Variants in PARP4 observed in about 807,000 individuals in gnomAD.
PARP4 encodes poly(ADP-ribose) polymerase family member 4.
Under a neutral mutation model 187.7 loss-of-function variants are expected in PARP4, and 120 were observed. The observed-to-expected ratio is 0.64, with a 90% confidence interval of 0.55 to 0.74. PARP4 has a LOEUF of 0.74. Ranked by LOEUF, PARP4 falls within the 30% of genes least tolerant of loss-of-function variation. The pLI is 0.00. For missense variants in PARP4, 1,836 were observed against 2,070.5 expected (o/e 0.89, Z 2.20); for synonymous variants, 654 against 740.9 (o/e 0.88, Z 1.90).
chr13:24,505,541 A>AC (rs144873859), intron 1 of PARP4, among the ~76,000 whole-genome samples: 17,184 of 151,940 alleles, frequency 0.11, 1,325 homozygotes, highest in Middle Eastern at 0.28. Flanking sequence ...CACCGCCTAA[A>AC]CCCCCCAGAA....
At chr13:24,448,990 T>G (rs1256769767) in intron 25 of PARP4, among the ~76,000 whole-genome samples, 1 of 152,242 alleles carries the variant, frequency 6.6e-6, no homozygotes, top group African/African-American at 2.4e-5. Context: ...GAGTTACTGC[T>G]TAATGAGTAC....
intron 31 of PARP4, 32 bp from the exon 32 acceptor site, chr13:24,431,508 G>T: frequency 7.3e-7 from 1 of 1,363,616 alleles, no homozygotes; most frequent in Non-Finnish European, 1.0e-6. Context: ...AATAAGTTAT[G>T]TTATTCACAT....
intron 33 of PARP4, among the ~76,000 whole-genome samples, chr13:24,425,070 C>G (rs35962258): frequency 0.43 from 65,328 of 151,476 alleles, 14,816 homozygotes; most frequent in African/African-American, 0.58. Context: ...AGGAGGCTGA[C>G]GCGGGAGGAT....
chr13:24,425,599 C>A (rs866443733), intron 33 of PARP4, among the ~76,000 whole-genome samples: 162 of 138,074 alleles, frequency 1.2e-3, no homozygotes, highest in Middle Eastern at 0.011. Flanking sequence ...ATATCTATAT[C>A]TATATCTATA....
chr13:24,429,681 C>G (rs1260549557), intron 32 of PARP4, among the ~76,000 whole-genome samples: 2 of 152,204 alleles, frequency 1.3e-5, no homozygotes, highest in African/African-American at 4.8e-5. Flanking sequence ...CAGCTGAAAT[C>G]TCTGCTTAGC....
chr13:24,438,494 C>A (rs1448475644), intron 30 of PARP4, among the ~76,000 whole-genome samples: 1 of 152,152 alleles, frequency 6.6e-6, no homozygotes, highest in Non-Finnish European at 1.5e-5. Context: ...CAATTTCTTG[C>A]TAAGAGTTAT....
intron 9 of PARP4, among the ~76,000 whole-genome samples, chr13:24,491,379 A>G (rs1372276379): frequency 6.6e-6 from 1 of 152,192 alleles, no homozygotes; most frequent in African/African-American, 2.4e-5. Context: ...TTGGCCTCCC[A>G]AAGTGCTGGG....
At chr13:24,463,824 G>A (rs1413770437) in intron 17 of PARP4, among the ~76,000 whole-genome samples, 2 of 152,058 alleles carry the variant, frequency 1.3e-5, no homozygotes, top group African/African-American at 4.8e-5. Context: ...AAGAAATAAA[G>A]GTTATTTGAA....
chr13:24,421,625 C>T (rs1194186705), intron 33 of PARP4, among the ~76,000 whole-genome samples: 17 of 152,264 alleles, frequency 1.1e-4, no homozygotes, highest in Admixed American at 1.1e-3. Flanking sequence ...TTCCACGCTT[C>T]TCAGTCTAAA....
At position 24,494,675 on chromosome 13, in the gene PARP4, T is replaced by C. The variant is rs1357383798; in HGVS notation, c.639A>G (p.Glu213=). 1.2e-6 allele frequency: 2 copies of C among 1,609,384 alleles called. No homozygotes were observed. Among genetic ancestry groups the C allele is most frequent in the South Asian group, 1.1e-5 (1 of 90,608 alleles). The change falls in exon 7 of 34, where the codon GAA becomes GAG. Residue 213 remains glutamate (E), a synonymous_variant. Transcript: ENST00000381989. ...AIKKTSEDAS[E]YFENYIEELK... The stretch of plus-strand genomic sequence containing the variant: ...GTTCTTCAATGTAATTTTCAAAGTA[T>C]TCACTTGCATCTTCAGAGGTTTTCT...
intron 15 of PARP4, among the ~76,000 whole-genome samples, chr13:24,470,832 G>C (rs1342112456): frequency 6.6e-6 from 1 of 151,872 alleles, no homozygotes; most frequent in Non-Finnish European, 1.5e-5. Flanking sequence ...AGGGTGTGTA[G>C]GGTGCCAGGC....
intron 17 of PARP4, among the ~76,000 whole-genome samples, chr13:24,467,346 C>G (rs528523958): frequency 5.9e-5 from 9 of 152,106 alleles, no homozygotes; most frequent in Non-Finnish European, 1.3e-4. Context: ...AGTTATAAGA[C>G]AAATATGTCC....
intron 18 of PARP4, 33 bp downstream of exon 18, chr13:24,459,939 C>T (rs770941016): frequency 4.4e-6 from 7 of 1,594,672 alleles, no homozygotes; most frequent in Non-Finnish European, 5.1e-6. Flanking sequence ...CCACTGCTGC[C>T]AAAATGCTTC....
Position 24,469,907 on chromosome 13 carries a change from T to C in PARP4, c.2033A>G (p.His678Arg), listed in dbSNP as rs375829602. The C allele has an allele frequency of 2.1e-5, 34 of 1,613,502 alleles. No individual in the cohort carries two copies. In the African/African-American group the frequency reaches 4.0e-4, roughly 19 times the overall value. ...TTCTTGCCTTACCTCTCCAACTATGTGCTTCCCATTGATGAAGGCTTCGAA... is the reference window on the plus strand; with the variant it reads ...TTCTTGCCTTACCTCTCCAACTATGCGCTTCCCATTGATGAAGGCTTCGAA... ...CGFEAFINGK[H>R]IVGEIKEKEE... Residue 678 changes from histidine (H) to arginine (R), a missense_variant, in exon 16 of 34, where the codon CAC becomes CGC. His to Arg is a conservative substitution (Grantham distance 29). Around this residue, in one of 8 missense-constraint regions of PARP4, gnomAD observed 1,147 missense variants for 1,214.2 expected, o/e 0.94. Transcript: ENST00000381989.
Position 24,469,937 on chromosome 13 carries a change from C to T in PARP4, c.2003G>A (p.Cys668Tyr), listed in dbSNP as rs1364587060. The part of the protein sequence containing the change: ...IFPLDDKAAV[C>Y]GFEAFINGKH... Reference sequence around the variant, plus strand: ...CCCATTGATGAAGGCTTCGAAGCCACACACAGCGGCCTTGTCATCCAAAGG... The same window carrying T: ...CCCATTGATGAAGGCTTCGAAGCCATACACAGCGGCCTTGTCATCCAAAGG... Residue 668 changes from cysteine (C) to tyrosine (Y), a missense_variant, in exon 16 of 34, where the codon TGT becomes TAT. Coordinates refer to ENST00000381989, the MANE Select transcript of PARP4 (RefSeq NM_006437.4). 6.2e-7 allele frequency: 1 copy of T among 1,613,822 alleles called. No individual in the cohort carries two copies. The highest frequency in any genetic ancestry group is 8.5e-7 in the Non-Finnish European group (1 of 1,179,816).
intron 32 of PARP4, among the ~76,000 whole-genome samples, chr13:24,427,930 G>T (rs1006427213): frequency 4.6e-5 from 7 of 151,878 alleles, no homozygotes; most frequent in African/African-American, 1.5e-4. Flanking sequence ...ACAACTCCAA[G>T]AATAATATAA....
At chr13:24,490,995 G>A (rs1868611090) in intron 9 of PARP4, among the ~76,000 whole-genome samples, 167 bp from the exon 10 acceptor site, 1 of 152,102 alleles carries the variant, frequency 6.6e-6, no homozygotes, top group African/African-American at 2.4e-5. Flanking sequence ...ACGCTGGAGT[G>A]TAGTGGCATG....
rs540780526 is a variant in PARP4, at chr13:24,452,390, GCTCT to G, written c.3014+12_3014+15del. The G allele has an allele frequency of 1.9e-6, 3 of 1,602,650 alleles. No individual in the cohort carries two copies. The highest frequency in any genetic ancestry group is 2.6e-6 in the Non-Finnish European group (3 of 1,173,968). ...CCCGTGGGTCTGGACTATGTGACCA[GCTCT>G]CTGAGACTCACCCGATACCGCAGGC... On this transcript the variant is annotated intron_variant, in intron 24 of 33. Coordinates refer to ENST00000381989, the MANE Select transcript of PARP4 (RefSeq NM_006437.4).
rs1216756650 is a variant in PARP4, at chr13:24,501,926, TTAAGG to T, written c.133-97_133-93del. 1.0e-5 allele frequency: 8 copies of T among 774,234 alleles called. No homozygotes were observed. In the East Asian group the frequency reaches 1.3e-4, roughly 13 times the overall value. The allele number at this position is 774,234 out of a possible 1,614,324, so 48.0% of individuals were successfully genotyped here. ...CTGTAATTTTCACCCTTAGAAAGTA[TTAAGG>T]TAGTTTGTGATAATCTTTCTCAAAT... On this transcript the variant is annotated intron_variant, in intron 2 of 33. Transcript: ENST00000381989.
Sources: gnomAD v4.1 joint callset for allele counts (sites outside exome capture counted in the v4.1 genomes callset) on GRCh38, gnomAD v4.1.1 for gene constraint, gnomAD v4.1.1 regional missense constraint, MANE v1.5 for transcripts, NCBI Gene and HGNC (gene_info 2026-07-23, HGNC 2026-07-21) for gene names.